CACNB2: variants seen among roughly 807,000 people sequenced by gnomAD.
CACNB2 encodes voltage-dependent L-type calcium channel subunit beta-2.
A neutral mutation model predicts 73.3 loss-of-function variants in CACNB2; 42 were observed. The ratio of observed to expected loss-of-function variants is 0.57; its 90% CI spans 0.45 to 0.74. The LOEUF (loss-of-function observed/expected upper bound fraction) is 0.74. Ranked by LOEUF, CACNB2 falls within the 30% of genes least tolerant of loss-of-function variation. CACNB2 has a pLI of 0.00. For synonymous variants in CACNB2, 348 were observed against 310.3 expected, an observed-to-expected ratio of 1.12 and a Z score of -1.28; for missense variants, 940 against 853.0, an observed-to-expected ratio of 1.10 and a Z score of -1.27.
chr10:18,412,238 C>G (rs57285503), intron 3 of CACNB2, among the ~76,000 whole-genome samples: 8,833 of 152,220 alleles, frequency 0.058, 660 homozygotes, highest in African/African-American at 0.16. Flanking sequence ...AAGTCACCGG[C>G]CTAAGCCTGG....
intron 3 of CACNB2, among the ~76,000 whole-genome samples, chr10:18,424,094 T>C (rs1405392709): frequency 1.3e-5 from 2 of 152,158 alleles, no homozygotes; most frequent in Non-Finnish European, 2.9e-5. Flanking sequence ...GTGTCACTAA[T>C]AGCTTTGAAA....
rs995638419 is a variant in CACNB2 at position 18,140,617 on chromosome 10, C to T, written c.-120C>T. ...GCGCTGCGGGGCGCTGCGCCGAGAA[C>T]GGCCGGGCCTGAGCCCTGGGCGGCC... On this transcript the variant is annotated 5_prime_UTR_variant, in exon 1 of 14. In the 5' UTR this introduces an upstream ATG that the reference lacks. Transcript: ENST00000324631. 1.3e-6 allele frequency: 1 copy of T among 766,248 alleles called. No homozygotes were observed. The highest frequency in any genetic ancestry group is 1.9e-5 in the African/African-American group (1 of 53,434). 47.5% of individuals were successfully genotyped at this position (766,248 alleles called of 1,614,324 possible).
At chr10:18,411,055 T>A (rs1165239238) in intron 3 of CACNB2, among the ~76,000 whole-genome samples, 1 of 152,188 alleles carries the variant, frequency 6.6e-6, no homozygotes, top group Non-Finnish European at 1.5e-5. Context: ...ATGTCACACA[T>A]TCTTATTAAA....
intron 3 of CACNB2, 37 bp from the exon 4 acceptor site, chr10:18,498,318 G>C: frequency 6.2e-7 from 1 of 1,613,130 alleles, no homozygotes; most frequent in Non-Finnish European, 8.5e-7. Context: ...GTGTTGTTTT[G>C]CTCTTATTTT....
In CACNB2 at chr10:18,140,836, G is replaced by T. The variant is rs754097169; in HGVS notation, c.100G>T (p.Ala34Ser). The change falls in exon 1 of 14, where the codon GCG (alanine) becomes TCG (serine). Residue 34 changes from alanine to serine, a missense_variant. Transcript: ENST00000324631. ...ELLENVAPAG[A>S]LGAAAQSYGK... ...GCTAGAGAACGTGGCTCCCGCGGGG[G>T]CGCTCGGAGCCGCCGCACAGGTAGC... The T allele has an allele frequency of 2.6e-5, 41 of 1,602,960 alleles. No homozygotes were observed. The highest frequency in any genetic ancestry group is 3.4e-5 in the Non-Finnish European group (40 of 1,176,448).
In CACNB2 at chr10:18,395,085, A is replaced by G. The variant is rs141053105; in HGVS notation, c.214-6839A>G. 2.7e-3 allele frequency among the ~76,000 whole-genome samples: 407 copies of G among 152,300 alleles called. 1 individual carries two copies. Among genetic ancestry groups the G allele is most frequent in the Non-Finnish European group, 3.9e-3 (268 of 68,022 alleles). On this transcript the variant is annotated intron_variant, in intron 2 of 13. Coordinates refer to ENST00000324631, the MANE Select transcript of CACNB2 (RefSeq NM_201596.3). ...GTATTCCAGGAGTGCCTGAGTATAT[A>G]TCACATGCAGAGTGAGAGAAAAAGA...
chr10:18,399,275 AC>A (rs891688073), intron 2 of CACNB2, among the ~76,000 whole-genome samples: 20 of 152,304 alleles, frequency 1.3e-4, no homozygotes, highest in African/African-American at 3.8e-4. Context: ...GGAATCCCCT[AC>A]CAGGTGTGTA....
intron 2 of CACNB2, among the ~76,000 whole-genome samples, chr10:18,237,511 G>A (rs1011581836): frequency 1.3e-5 from 2 of 152,132 alleles, no homozygotes; most frequent in Non-Finnish European, 2.9e-5. Context: ...CTCCCCTAGA[G>A]CCTCAGAAAT....
intron 2 of CACNB2, among the ~76,000 whole-genome samples, chr10:18,393,234 T>C (rs1226389785): frequency 6.6e-6 from 1 of 151,368 alleles, no homozygotes; most frequent in African/African-American, 2.4e-5. Context: ...TCATCATCAG[T>C]AGATATATAT....
chr10:18,215,075 A>C (rs1197958992), intron 2 of CACNB2, among the ~76,000 whole-genome samples: 1 of 143,936 alleles, frequency 6.9e-6, no homozygotes, highest in Non-Finnish European at 1.5e-5. Context: ...GCAAAAATCA[A>C]GACACTTAGA....
intron 2 of CACNB2, among the ~76,000 whole-genome samples, chr10:18,184,469 T>A (rs897332634): frequency 9.9e-5 from 15 of 152,164 alleles, no homozygotes; most frequent in African/African-American, 3.6e-4. Flanking sequence ...ATGGTACCTT[T>A]GTTATAATTA....
At chr10:18,337,100 GCTTTT>G (rs1032908486) in intron 2 of CACNB2, among the ~76,000 whole-genome samples, 1 of 151,772 alleles carries the variant, frequency 6.6e-6, no homozygotes, top group African/African-American at 2.4e-5. Context: ...TTTGCTTTTT[GCTTTT>G]CTTTTCTCTT....
chr10:18,485,089 G>T (rs1223310590), intron 3 of CACNB2, among the ~76,000 whole-genome samples: 2 of 151,962 alleles, frequency 1.3e-5, no homozygotes, highest in African/African-American at 4.8e-5. Flanking sequence ...TTGCAGTGGG[G>T]CGAGATCACA....
chr10:18,286,551 A>AAG (rs2038811841), intron 2 of CACNB2, among the ~76,000 whole-genome samples: 1 of 141,322 alleles, frequency 7.1e-6, no homozygotes, highest in East Asian at 2.1e-4. Flanking sequence ...AAAAAAAAAA[A>AAG]GGAACATTAC....
At chr10:18,268,695 A>C (rs2131631680) in intron 2 of CACNB2, among the ~76,000 whole-genome samples, 1 of 152,306 alleles carries the variant, frequency 6.6e-6, no homozygotes, top group Admixed American at 6.5e-5. Context: ...ATGTTGCAAT[A>C]AGTATGTTTT....
intron 2 of CACNB2, among the ~76,000 whole-genome samples, chr10:18,306,023 G>C (rs1185877494): frequency 1.3e-5 from 2 of 152,094 alleles, no homozygotes; most frequent in Non-Finnish European, 2.9e-5. Flanking sequence ...AAGAAACAGG[G>C]TCCTGCTTCA....
At chr10:18,495,222 T>C (rs935152813) in intron 3 of CACNB2, among the ~76,000 whole-genome samples, 5 of 144,310 alleles carry the variant, frequency 3.5e-5, no homozygotes, top group Admixed American at 1.4e-4. Context: ...GAGGGAGTCT[T>C]TTTTTTTTTT....
In CACNB2 at chr10:18,414,669, A is replaced by G. The variant is rs1472523560; in HGVS notation, c.333+12626A>G. 2.6e-5 allele frequency among the ~76,000 whole-genome samples: 4 copies of G among 152,020 alleles called. No individual in the cohort carries two copies. The East Asian group carries it at 7.7e-4, about 29-fold the overall frequency. ...CCTGCTAATTTTTGTATTTTTAGCAAAAATGGGGTTTCACCAGGTTGGCCA... is the reference window on the plus strand; with the variant it reads ...CCTGCTAATTTTTGTATTTTTAGCAGAAATGGGGTTTCACCAGGTTGGCCA... On this transcript the variant is annotated intron_variant, in intron 3 of 13. Transcript: ENST00000324631.
At chr10:18,205,865 A>G (rs1187491331) in intron 2 of CACNB2, among the ~76,000 whole-genome samples, 1 of 152,180 alleles carries the variant, frequency 6.6e-6, no homozygotes, top group East Asian at 1.9e-4. Flanking sequence ...ACAGGAAGGC[A>G]TCTTTGTTCT....
Sources: gnomAD v4.1 joint callset for allele counts (sites outside exome capture counted in the v4.1 genomes callset) on GRCh38, gnomAD v4.1.1 for gene constraint, MANE v1.5 for transcripts, NCBI Gene and HGNC (gene_info 2026-07-23, HGNC 2026-07-21) for gene names.